The following IL1RAPL2 variants were observed in gnomAD, a reference collection of about 807,000 sequenced individuals.
The protein encoded by IL1RAPL2 is interleukin 1 receptor accessory protein like 2, also known as X-linked interleukin-1 receptor accessory protein-like 2.
IL1RAPL2 carries 3 observed loss-of-function variants against 44.1 expected under a neutral mutation model. The ratio of observed to expected loss-of-function variants is 0.07; its 90% confidence interval spans 0.03 to 0.18. IL1RAPL2 has a LOEUF of 0.18. IL1RAPL2 is among the 10% of genes least tolerant of loss of function. The pLI is 1.00. For synonymous variants in IL1RAPL2, 181 were observed against 178.8 expected, an observed-to-expected ratio of 1.01 and a Z score of -0.10; for missense variants, 391 against 496.4, an observed-to-expected ratio of 0.79 and a Z score of 2.02.
intron 5 of IL1RAPL2, among the ~76,000 whole-genome samples, chrX:105,318,148 A>G (rs1445113910): frequency 9.1e-6 from 1 of 109,359 alleles, no homozygotes; most frequent in Non-Finnish European, 1.9e-5. Flanking sequence ...AATTTTTTCT[A>G]TTTTTTAGTA....
chrX:105,740,884 G>T (rs2038494247), intron 8 of IL1RAPL2, among the ~76,000 whole-genome samples, 193 bp downstream of exon 8: 1 of 111,400 alleles, frequency 9.0e-6, no homozygotes, highest in African/African-American at 3.3e-5. Context: ...ATTAGGAAGT[G>T]GATAAATGAA....
chrX:104,908,816 C>T lies in IL1RAPL2; in HGVS notation c.82+249821C>T, dbSNP rs911561050. On this transcript the variant is annotated intron_variant, in intron 2 of 10. Coordinates refer to ENST00000372582, the MANE Select transcript of IL1RAPL2 (RefSeq NM_017416.2). ...CTCTTCTCGAGGAGTATCTTTGTGG[C>T]GTTCACTGTATTTCCTGAATCTGAA... 1.8e-3 allele frequency among the ~76,000 whole-genome samples: 193 copies of T among 108,704 alleles called. 1 individual carries two copies. Among genetic ancestry groups the T allele is most frequent in the African/African-American group, 6.1e-3 (181 of 29,810 alleles). The allele number at this position is 108,704 out of a possible 115,157, so 94.4% of individuals were successfully genotyped here.
Position 105,315,578 on chromosome X carries a change from G to GGATATATATATATATATATA in IL1RAPL2, c.697+48037_697+48038insGATATATATATATATATATA, listed in dbSNP as rs1556280626. Among the ~76,000 whole-genome samples, 6 of 21,815 alleles carry GGATATATATATATATATATA rather than the reference G, an allele frequency of 2.8e-4. 2 individuals carry two copies. The highest frequency in any genetic ancestry group is 4.4e-4 in the African/African-American group (6 of 13,549). The allele number at this position is 21,815 out of a possible 115,157, so 18.9% of individuals were successfully genotyped here. A position where few individuals can be genotyped will look rare whatever the true frequency, so the allele number is the denominator to read the frequency against. On this transcript the variant is annotated intron_variant, in intron 5 of 10. Coordinates refer to ENST00000372582, the MANE Select transcript of IL1RAPL2 (RefSeq NM_017416.2). Reference sequence around the variant, plus strand: ...CCCTAGAGGGACAGAACTAATGGATGTATATATATATATATATATATATGG... The same window carrying GGATATATATATATATATATA: ...CCCTAGAGGGACAGAACTAATGGATGGATATATATATATATATATATATATATATATATATATATATATGG...
intron 2 of IL1RAPL2, among the ~76,000 whole-genome samples, chrX:104,898,269 C>T (rs1923711661): frequency 9.0e-6 from 1 of 111,347 alleles, no homozygotes; most frequent in African/African-American, 3.3e-5. Context: ...TCTGGAAAGA[C>T]AAGTACAGGT....
chrX:105,078,635 A>C (rs1261178648), intron 2 of IL1RAPL2, among the ~76,000 whole-genome samples: 1 of 112,588 alleles, frequency 8.9e-6, no homozygotes, highest in African/African-American at 3.2e-5. Context: ...CCAGAGGTGG[A>C]GCCTACAGAG....
Position 105,053,611 on chromosome X carries a change from C to G in IL1RAPL2, c.83-141864C>G, listed in dbSNP as rs181956114. On this transcript the variant is annotated intron_variant, in intron 2 of 10. Coordinates refer to ENST00000372582, the MANE Select transcript of IL1RAPL2 (RefSeq NM_017416.2). ...CACACACCCTGATTGGTTGATATTA[C>G]AGTATGTCCTCACTTAATATGTTCA... 6.4e-4 allele frequency among the ~76,000 whole-genome samples: 72 copies of G among 111,680 alleles called. 1 individual carries two copies. In the Admixed American group the frequency reaches 6.6e-3, roughly 10 times the overall value.
At chrX:104,910,480 T>A (rs1924201341) in intron 2 of IL1RAPL2, among the ~76,000 whole-genome samples, 1 of 111,883 alleles carries the variant, frequency 8.9e-6, no homozygotes, top group African/African-American at 3.3e-5. Flanking sequence ...CAACCTATCA[T>A]CTACATTAGG....
chrX:105,427,698 GA>G (rs751567541), intron 5 of IL1RAPL2, among the ~76,000 whole-genome samples: 112 of 112,122 alleles, frequency 1.0e-3, no homozygotes, highest in African/African-American at 3.5e-3. Context: ...TCCTAGGAAG[GA>G]AACTTCTTCA....
intron 9 of IL1RAPL2, among the ~76,000 whole-genome samples, chrX:105,749,447 G>C (rs1263363736): frequency 1.8e-5 from 2 of 111,656 alleles, no homozygotes; most frequent in African/African-American, 3.3e-5. Flanking sequence ...CTCCCCCTTA[G>C]TAAGAAGCAA....
At chrX:105,473,943 G>A (rs1249181439) in intron 5 of IL1RAPL2, among the ~76,000 whole-genome samples, 1 of 111,272 alleles carries the variant, frequency 9.0e-6, no homozygotes, top group Non-Finnish European at 1.9e-5. Flanking sequence ...ATTACTTCTT[G>A]TGGCATGGTA....
At chrX:105,665,089 G>C (rs770959110) in intron 6 of IL1RAPL2, among the ~76,000 whole-genome samples, 2 of 111,880 alleles carry the variant, frequency 1.8e-5, no homozygotes, top group African/African-American at 6.5e-5. Flanking sequence ...TACTGATAAG[G>C]GACCAGGCAA....
intron 1 of IL1RAPL2, among the ~76,000 whole-genome samples, chrX:104,643,490 T>TA (rs1929974683): frequency 8.9e-6 from 1 of 111,787 alleles, no homozygotes; most frequent in East Asian, 2.8e-4. Flanking sequence ...CAAAAACAAT[T>TA]ATGTGTGGTG....
intron 2 of IL1RAPL2, among the ~76,000 whole-genome samples, chrX:105,061,809 C>A (rs1401514368): frequency 8.9e-6 from 1 of 111,990 alleles, no homozygotes; most frequent in African/African-American, 3.2e-5. Context: ...TCTCTTCTTA[C>A]AGTTTTTGTC....
At chrX:104,680,616 G>A (rs1036256313) in intron 2 of IL1RAPL2, among the ~76,000 whole-genome samples, 4 of 110,641 alleles carry the variant, frequency 3.6e-5, no homozygotes, top group African/African-American at 6.6e-5. Flanking sequence ...CCAAAGACAT[G>A]AAGTTATTAA....
intron 6 of IL1RAPL2, among the ~76,000 whole-genome samples, chrX:105,652,006 T>A (rs1340106856): frequency 8.9e-6 from 1 of 112,059 alleles, no homozygotes; most frequent in Non-Finnish European, 1.9e-5. Flanking sequence ...AGAGCCACAT[T>A]TGCAGTGTCT....
chrX:105,077,425 A>G (rs4578110), intron 2 of IL1RAPL2, among the ~76,000 whole-genome samples: 2,191 of 111,934 alleles, frequency 0.02, 53 homozygotes, highest in African/African-American at 0.067. Context: ...TGTTAGTCTG[A>G]TGGGCTTCCC....
At chrX:104,767,797 G>A (rs1932581113) in intron 2 of IL1RAPL2, among the ~76,000 whole-genome samples, 1 of 111,414 alleles carries the variant, frequency 9.0e-6, no homozygotes, top group South Asian at 3.8e-4. Context: ...GTCAGCTAAG[G>A]CTGGTTAGTA....
At chrX:105,038,641 C>T (rs1031723460) in intron 2 of IL1RAPL2, among the ~76,000 whole-genome samples, 2 of 110,003 alleles carry the variant, frequency 1.8e-5, no homozygotes, top group Admixed American at 9.8e-5. Flanking sequence ...ATTATTTCAT[C>T]GCCTATGTAA....
At chrX:104,742,838 C>T (rs1442542627) in intron 2 of IL1RAPL2, among the ~76,000 whole-genome samples, 1 of 111,258 alleles carries the variant, frequency 9.0e-6, no homozygotes, top group Non-Finnish European at 1.9e-5. Context: ...TTGATATGGC[C>T]ACAGAATCTG....
Sources: allele counts gnomAD v4.1 joint callset (sites outside exome capture counted in the v4.1 genomes callset), GRCh38; gene constraint gnomAD v4.1.1; transcripts MANE v1.5; gene names NCBI Gene and HGNC (gene_info 2026-07-23, HGNC 2026-07-21).